Variants in ARHGAP42 observed in about 807,000 individuals in gnomAD.
ARHGAP42 encodes the protein rho GTPase-activating protein 42.
Under a neutral mutation model 125.0 loss-of-function variants are expected in ARHGAP42, and 63 were observed. The observed-to-expected ratio is 0.50, with a 90% CI of 0.41 to 0.62. The LOEUF is 0.62. ARHGAP42 is among the 20% of genes least tolerant of loss of function. The pLI, the probability that ARHGAP42 is intolerant of heterozygous loss-of-function variation, is 0.00. For missense variants in ARHGAP42, 766 were observed against 1,024.2 expected (o/e 0.75, Z 3.44); for synonymous variants, 339 against 351.0 (o/e 0.97, Z 0.38).
chr11:100,953,505 A>G (rs1857719371), intron 12 of ARHGAP42, among the ~76,000 whole-genome samples: 2 of 152,212 alleles, frequency 1.3e-5, no homozygotes, highest in African/African-American at 4.8e-5. Context: ...AGAAATATCT[A>G]ATGTTCTAAA....
Position 100,992,602 on chromosome 11 carries a change from A to G in ARHGAP42, c.*3801A>G, listed in dbSNP as rs1211997910. 1 of 1,614,120 alleles carries G rather than the reference A, an allele frequency of 6.2e-7. No homozygotes were observed. The highest frequency in any genetic ancestry group is 8.5e-7 in the Non-Finnish European group (1 of 1,179,982). On this transcript the variant is annotated 3_prime_UTR_variant, in exon 24 of 24. Coordinates refer to ENST00000298815, the MANE Select transcript of ARHGAP42 (RefSeq NM_152432.4). ...CAACTGGTCTCAATTTCCTGAACAC[A>G]TTCACTGTATCCCTCATTGTCACCG...
intron 2 of ARHGAP42, among the ~76,000 whole-genome samples, chr11:100,792,696 T>A (rs546048127): frequency 1.3e-5 from 2 of 152,318 alleles, no homozygotes; most frequent in East Asian, 3.9e-4. Context: ...TTTATTGTGA[T>A]TGTGTTATTT....
chr11:100,922,974 T>G (rs1867321172), intron 6 of ARHGAP42, among the ~76,000 whole-genome samples: 1 of 152,240 alleles, frequency 6.6e-6, no homozygotes, highest in Non-Finnish European at 1.5e-5. Flanking sequence ...AAGTTCTGTT[T>G]ACCAAACAGC....
intron 1 of ARHGAP42, among the ~76,000 whole-genome samples, chr11:100,733,621 T>G (rs980145197): frequency 6.6e-6 from 1 of 151,842 alleles, no homozygotes; most frequent in Non-Finnish European, 1.5e-5. Context: ...GTCAGGAGTT[T>G]GAGACAAGCC....
chr11:100,984,098 C>A (rs1858611987), intron 22 of ARHGAP42, among the ~76,000 whole-genome samples: 2 of 150,710 alleles, frequency 1.3e-5, no homozygotes, highest in Admixed American at 1.3e-4. Flanking sequence ...GCCTGAGCAA[C>A]CCAGTGAGAC....
Position 100,746,936 on chromosome 11 carries a change from T to G in ARHGAP42, c.155-23407T>G, listed in dbSNP as rs1321141812. ...CTGAGGGTAATGGTGCTTGCTTGAC[T>G]TGGGTGTGATGTGTCCATCCCTTTC... On this transcript the variant is annotated intron_variant, in intron 1 of 23. Coordinates refer to ENST00000298815, the MANE Select transcript of ARHGAP42 (RefSeq NM_152432.4). Among the ~76,000 whole-genome samples, 6 of 152,172 alleles carry G rather than the reference T, an allele frequency of 3.9e-5. No homozygotes were observed. The East Asian group carries it at 1.2e-3, about 29-fold the overall frequency.
At chr11:100,941,078 C>A (rs988488624) in intron 8 of ARHGAP42, among the ~76,000 whole-genome samples, 1 of 152,146 alleles carries the variant, frequency 6.6e-6, no homozygotes, top group South Asian at 2.1e-4. Flanking sequence ...TAGGAAAAGG[C>A]CTGAAGGGAG....
intron 4 of ARHGAP42, among the ~76,000 whole-genome samples, chr11:100,887,428 T>C (rs80323898): frequency 0.045 from 6,905 of 152,254 alleles, 228 homozygotes; most frequent in East Asian, 0.1. Context: ...TGCAGATCCC[T>C]CTCATAACCC....
chr11:100,750,805 G>A (rs1172278172), intron 1 of ARHGAP42, among the ~76,000 whole-genome samples: 3 of 152,110 alleles, frequency 2.0e-5, no homozygotes, highest in African/African-American at 7.2e-5. Context: ...AAAGTAGAAG[G>A]CAAAGTACTG....
intron 1 of ARHGAP42, among the ~76,000 whole-genome samples, chr11:100,748,190 T>C (rs1862348951): frequency 1.3e-5 from 2 of 152,358 alleles, no homozygotes; most frequent in Middle Eastern, 3.4e-3. Context: ...CCTCGTTCAG[T>C]CCATATTAAT....
chr11:100,812,064 GT>G (rs1864157997), intron 3 of ARHGAP42, among the ~76,000 whole-genome samples: 1 of 152,070 alleles, frequency 6.6e-6, no homozygotes, highest in African/African-American at 2.4e-5. Context: ...GCCTCCCAAA[GT>G]GCTAGGATTA....
intron 3 of ARHGAP42, among the ~76,000 whole-genome samples, chr11:100,808,453 C>T (rs1008901954): frequency 6.5e-5 from 9 of 137,850 alleles, no homozygotes; most frequent in Admixed American, 5.5e-4. Flanking sequence ...GGCCGGACTG[C>T]GGACTGCAGT....
chr11:100,821,031 A>G (rs991256462), intron 3 of ARHGAP42, among the ~76,000 whole-genome samples: 4 of 151,966 alleles, frequency 2.6e-5, no homozygotes, highest in African/African-American at 9.7e-5. Context: ...AGATGTAAGA[A>G]AAGGTATCTG....
intron 16 of ARHGAP42, among the ~76,000 whole-genome samples, chr11:100,965,015 G>A (rs938453775): frequency 5.3e-5 from 8 of 152,058 alleles, no homozygotes; most frequent in East Asian, 1.9e-4. Context: ...GGAAGGACTC[G>A]GGAAACTTAC....
At chr11:100,888,303 A>G (rs4754708) in intron 4 of ARHGAP42, among the ~76,000 whole-genome samples, 41,979 of 151,756 alleles carry the variant, frequency 0.28, 7,168 homozygotes, top group East Asian at 0.75. Flanking sequence ...AACTTCCACT[A>G]CTTGTCAATG....
intron 1 of ARHGAP42, among the ~76,000 whole-genome samples, chr11:100,749,075 C>T (rs1591148356): frequency 6.6e-6 from 1 of 152,226 alleles, no homozygotes; most frequent in South Asian, 2.1e-4. Context: ...CTGTTCTCCC[C>T]TCTCCTTCCC....
chr11:100,699,331 TC>T (rs1363368371), intron 1 of ARHGAP42, among the ~76,000 whole-genome samples: 1 of 151,536 alleles, frequency 6.6e-6, no homozygotes, highest in East Asian at 1.9e-4. Context: ...TTCTAACTCT[TC>T]CCATTTTTCA....
chr11:100,838,831 C>T (rs1260367477), intron 3 of ARHGAP42, among the ~76,000 whole-genome samples: 6 of 152,024 alleles, frequency 3.9e-5, no homozygotes, highest in Admixed American at 3.3e-4. Context: ...TTGACAGGGG[C>T]AAAAATATAG....
intron 4 of ARHGAP42, among the ~76,000 whole-genome samples, chr11:100,899,674 TGTTTG>T (rs766471194): frequency 2.1e-5 from 3 of 143,778 alleles, no homozygotes; most frequent in East Asian, 4.3e-4. Flanking sequence ...CCCTGCTTTT[TGTTTG>T]TTTGTTTGTT....
Sources: gnomAD v4.1 joint callset for allele counts (sites outside exome capture counted in the v4.1 genomes callset) on GRCh38, gnomAD v4.1.1 for gene constraint, MANE v1.5 for transcripts, NCBI Gene and HGNC (gene_info 2026-07-23, HGNC 2026-07-21) for gene names.